Variants in FDXR observed in about 807,000 individuals in gnomAD.
FDXR encodes ferredoxin reductase.
In FDXR, 38 loss-of-function variants were observed where a neutral mutation model predicts 58.3. The observed-to-expected ratio is 0.65, with a 90% CI of 0.50 to 0.85. FDXR has a LOEUF of 0.85. FDXR is among the 40% of genes least tolerant of loss of function. FDXR has a pLI of 0.00. For missense variants in FDXR, 624 were observed against 671.0 expected (o/e 0.93, Z 0.77); for synonymous variants, 275 against 273.8 (o/e 1.00, Z -0.04).
In FDXR at chr17:74,862,620, C is replaced by T. The variant is rs1432876241; in HGVS notation, c.*197G>A. The T allele has an allele frequency of 3.0e-6, 2 of 660,950 alleles. No homozygotes were observed. The highest frequency in any genetic ancestry group is 5.0e-6 in the Non-Finnish European group (2 of 402,546). The allele number at this position is 660,950 out of a possible 1,614,324, so 40.9% of individuals were successfully genotyped here. On this transcript the variant is annotated 3_prime_UTR_variant, in exon 12 of 12. Transcript: ENST00000293195. ...CCTCCACCTGTCCCTAAGGTTACCT[C>T]AGTTGCTGAAAGCTAAAACCTTGCG...
At chr17:74,872,200 GA>G in intron 1 of FDXR, 67 bp from the exon 2 acceptor site, 3 of 1,568,848 alleles carry the variant, frequency 1.9e-6, no homozygotes, top group Non-Finnish European at 2.6e-6. Context: ...AAACCAACCT[GA>G]ATATCCAACA....
At chr17:74,868,276 C>T (rs2038262136) in intron 2 of FDXR, 2 of 576,454 alleles carry the variant, frequency 3.5e-6, no homozygotes, top group African/African-American at 3.7e-5. Flanking sequence ...GGATGCCAGT[C>T]CCAGCTCTAG....
At chr17:74,872,567 C>G in intron 1 of FDXR, 1 of 643,774 alleles carries the variant, frequency 1.6e-6, no homozygotes, top group African/African-American at 1.8e-5. Flanking sequence ...TGTTTCGACT[C>G]AGACTTTCCT....
chr17:74,863,024 A>C, intron 11 of FDXR, 52 bp downstream of exon 11: 1 of 1,602,158 alleles, frequency 6.2e-7, no homozygotes, highest in Non-Finnish European at 8.5e-7. Flanking sequence ...AGTGAGGCCC[A>C]GAGAAGGACC....
intron 2 of FDXR, among the ~76,000 whole-genome samples, chr17:74,869,749 C>G (rs1281820551): frequency 6.6e-6 from 1 of 152,174 alleles, no homozygotes; most frequent in African/African-American, 2.4e-5. Flanking sequence ...GTCAGGTCCT[C>G]GAGCACAGGG....
chr17:74,864,629 C>A, intron 7 of FDXR, 65 bp from the exon 8 acceptor site: 1 of 1,506,754 alleles, frequency 6.6e-7, no homozygotes, highest in Non-Finnish European at 9.1e-7. Flanking sequence ...CCTGAGCCCA[C>A]CCCAGGGTCC....
rs867753059 is a variant in FDXR at position 74,872,931 on chromosome 17, C to T, written c.14G>A (p.Cys5Tyr). Reference sequence around the variant, plus strand: ...CGCCGACCAGCCCCACCAGCGCCAGCAGCGCGAAGCCATGGCTGGGAGCAG... The same window carrying T: ...CGCCGACCAGCCCCACCAGCGCCAGTAGCGCGAAGCCATGGCTGGGAGCAG... MASR[C>Y]WRWWGWSAWP... Residue 5 changes from cysteine to tyrosine, a missense_variant, in exon 1 of 12, where the codon TGC becomes TAC. Cys to Tyr is a radical substitution (Grantham distance 194). Coordinates refer to ENST00000293195, the MANE Select transcript of FDXR (RefSeq NM_024417.5). 1.3e-6 allele frequency: 2 copies of T among 1,556,126 alleles called. No individual in the cohort carries two copies. Among genetic ancestry groups the T allele is most frequent in the Admixed American group, 1.9e-5 (1 of 51,890 alleles).
In FDXR at chr17:74,864,037, T is replaced by C. The variant is rs369264020; in HGVS notation, c.1033A>G (p.Thr345Ala). ...CAAGGGAGGTCTTCCATGTCTCCCG[T>C]GGGCACTGCACGGGTGGCCTCATCG... ...GVDEATRAVP[T>A]GDMEDLPCGL... The change falls in exon 10 of 12, where the codon ACG (threonine) becomes GCG (alanine). Residue 345 changes from threonine (T) to alanine (A), a missense_variant. Physicochemically the swap from Thr to Ala is moderately conservative, Grantham distance 58 (BLOSUM62 0). Transcript: ENST00000293195. 1 of 1,613,892 alleles carries C rather than the reference T, an allele frequency of 6.2e-7. No individual in the cohort carries two copies. Among genetic ancestry groups the C allele is most frequent in the Non-Finnish European group, 8.5e-7 (1 of 1,180,040 alleles).
rs756866241 is a variant in FDXR, at chr17:74,862,802, G to C, written c.*15C>G. ...CTCATCCCTTCCCTGCTGGGGGCCG[G>C]GGCTGGGGCTGGGCTCAGTGGCCCA... On this transcript the variant is annotated 3_prime_UTR_variant, in exon 12 of 12. Transcript: ENST00000293195. 1.2e-6 allele frequency: 2 copies of C among 1,602,256 alleles called. No homozygotes were observed. Among genetic ancestry groups the C allele is most frequent in the Non-Finnish European group, 1.7e-6 (2 of 1,176,758 alleles).
At position 74,872,086 on chromosome 17, in the gene FDXR, C is replaced by A. The variant is rs747257060; in HGVS notation, c.127G>T (p.Val43Leu). The A allele has an allele frequency of 6.8e-6, 11 of 1,606,848 alleles. No individual in the cohort carries two copies. The Admixed American group carries it at 1.4e-4, about 20-fold the overall frequency. Residue 43 changes from valine to leucine, a missense_variant, in exon 2 of 12, where the codon GTG becomes TTG. By Grantham distance (32) the Val-to-Leu change is conservative (BLOSUM62 1). Coordinates refer to ENST00000293195, the MANE Select transcript of FDXR (RefSeq NM_024417.5). ...AAGCCAGCTGGGCCACTGCCCACCA[C>A]ACAGATCTGGGGGGTCTTCTCCTGT... is the stretch of plus-strand genomic sequence containing the variant. ...STQEKTPQICVVGSGPAGFYT... is the reference protein window; with the variant it reads ...STQEKTPQICLVGSGPAGFYT...
At chr17:74,864,409 C>T (rs1264520762) in intron 8 of FDXR, 62 bp from the exon 9 acceptor site, 2 of 1,605,478 alleles carry the variant, frequency 1.2e-6, no homozygotes, top group African/African-American at 2.7e-5. Flanking sequence ...CCTGCATGCC[C>T]TTCCCCAATC....
At chr17:74,863,007 C>T (rs2038026278) in intron 11 of FDXR, 60 bp from the exon 12 acceptor site, 3 of 1,603,052 alleles carry the variant, frequency 1.9e-6, no homozygotes, top group Non-Finnish European at 2.6e-6. Context: ...ACAGCCCCCT[C>T]CCAAAGAGTG....
At chr17:74,864,411 T>G (rs1598516436) in intron 8 of FDXR, 64 bp from the exon 9 acceptor site, 5 of 1,605,678 alleles carry the variant, frequency 3.1e-6, no homozygotes, top group Non-Finnish European at 4.3e-6. Flanking sequence ...TGCATGCCCT[T>G]CCCCAATCCC....
intron 2 of FDXR, chr17:74,868,699 T>A: frequency 2.0e-6 from 3 of 1,531,004 alleles, no homozygotes; most frequent in Non-Finnish European, 2.6e-6. Context: ...TCCTCCTTCC[T>A]TCCTTCCCTC....
At chr17:74,865,924 C>G (rs1383465353) in intron 5 of FDXR, 104 bp from the exon 6 acceptor site, 1 of 992,248 alleles carries the variant, frequency 1.0e-6, no homozygotes, top group East Asian at 2.6e-5. Context: ...CTGGGGCTTC[C>G]CCACACCGGG....
chr17:74,868,841 T>G lies in FDXR; in HGVS notation c.178-1965A>C, dbSNP rs115097121. On this transcript the variant is annotated intron_variant, in intron 2 of 11. Coordinates refer to ENST00000293195, the MANE Select transcript of FDXR (RefSeq NM_024417.5). ...CCCCAAATTCCCCTGAACTTGCTGA[T>G]GACTTTCTACTCTCTCTCTCCTGCC... The G allele has an allele frequency of 1.5e-3, 1,823 of 1,193,782 alleles. 23 individuals carry two copies. The African/African-American group carries it at 0.024, about 16-fold the overall frequency. 73.9% of individuals were successfully genotyped at this position (1,193,782 alleles called of 1,614,324 possible).
chr17:74,870,797 C>CTTTTTTTTT (rs200476203), intron 2 of FDXR, among the ~76,000 whole-genome samples: 2 of 88,430 alleles, frequency 2.3e-5, no homozygotes, highest in Non-Finnish European at 4.2e-5. Flanking sequence ...CACTGTCTCT[C>CTTTTTTTTT]TTTTTTTTTT....
At chr17:74,870,684 C>A (rs2038346817) in intron 2 of FDXR, among the ~76,000 whole-genome samples, 2 of 152,262 alleles carry the variant, frequency 1.3e-5, no homozygotes, top group South Asian at 4.1e-4. Context: ...GCTGTCCTCC[C>A]TCCCACATGG....
At chr17:74,866,979 G>C in intron 2 of FDXR, 103 bp from the exon 3 acceptor site, 1 of 1,531,962 alleles carries the variant, frequency 6.5e-7, no homozygotes, top group Non-Finnish European at 8.8e-7. Flanking sequence ...TCAGGACCCT[G>C]GGCTGAGAAC....
Sources: allele counts gnomAD v4.1 joint callset (sites outside exome capture counted in the v4.1 genomes callset), GRCh38; gene constraint gnomAD v4.1.1; transcripts MANE v1.5; gene names NCBI Gene and HGNC (gene_info 2026-07-23, HGNC 2026-07-21).